Variants in SLC8A1 observed in about 807,000 individuals in gnomAD.
SLC8A1 encodes the protein solute carrier family 8 member A1.
SLC8A1 carries 18 observed loss-of-function variants against 68.3 expected under a neutral mutation model. The observed-to-expected ratio is 0.26, with a 90% confidence interval of 0.18 to 0.39. The LOEUF is 0.39. SLC8A1 is among the 10% of genes least tolerant of loss of function. SLC8A1 has a pLI of 1.00. For synonymous variants in SLC8A1, 475 were observed against 415.5 expected (o/e 1.14, Z -1.74); for missense variants, 985 against 1,156.7 (o/e 0.85, Z 2.15).
intron 2 of SLC8A1, among the ~76,000 whole-genome samples, chr2:40,262,283 A>G (rs1424680096): frequency 6.6e-6 from 1 of 152,146 alleles, no homozygotes; most frequent in Admixed American, 6.5e-5. Flanking sequence ...TTATATTGCC[A>G]ATATTTATGA....
intron 2 of SLC8A1, among the ~76,000 whole-genome samples, chr2:40,370,647 C>G (rs1354387828): frequency 6.6e-6 from 1 of 151,986 alleles, no homozygotes; most frequent in African/African-American, 2.4e-5. Context: ...GTTAAATTGA[C>G]AAATGACACT....
At chr2:40,337,845 C>T (rs958593518) in intron 2 of SLC8A1, among the ~76,000 whole-genome samples, 4 of 152,110 alleles carry the variant, frequency 2.6e-5, no homozygotes. Context: ...CTTGATTCTT[C>T]TTTTTCACTG....
intron 2 of SLC8A1, among the ~76,000 whole-genome samples, chr2:40,204,031 C>T (rs1042557922): frequency 1.3e-5 from 2 of 151,890 alleles, no homozygotes; most frequent in African/African-American, 4.8e-5. Flanking sequence ...AGGTTGAAAA[C>T]AATTTTACAA....
chr2:40,100,185 C>G (rs1220330863), exon 8 of SLC8A1: 3 of 152,096 alleles, frequency 2.0e-5, no homozygotes, highest in East Asian at 3.9e-4. Context: ...CTTCTAATAT[C>G]AAGACCTTTT....
At chr2:40,348,323 C>A (rs1669985677) in intron 2 of SLC8A1, among the ~76,000 whole-genome samples, 3 of 152,124 alleles carry the variant, frequency 2.0e-5, no homozygotes, top group African/African-American at 7.2e-5. Context: ...CTCCTTCCAG[C>A]TTTATATTTT....
intron 2 of SLC8A1, among the ~76,000 whole-genome samples, chr2:40,283,515 T>C (rs770802833): frequency 2.6e-5 from 4 of 152,192 alleles, no homozygotes; most frequent in African/African-American, 9.7e-5. Context: ...CAGCTGCCAA[T>C]AGCACTGAGA....
chr2:40,339,191 G>T (rs1424078020), intron 2 of SLC8A1, among the ~76,000 whole-genome samples: 1 of 152,162 alleles, frequency 6.6e-6, no homozygotes, highest in East Asian at 1.9e-4. Flanking sequence ...GAAATGATAG[G>T]TTATTCATTC....
chr2:40,102,985 T>G (rs1391341251), exon 8 of SLC8A1: 1 of 152,236 alleles, frequency 6.6e-6, no homozygotes, highest in Non-Finnish European at 1.5e-5. Flanking sequence ...ATTTTAATTT[T>G]CTTTCTCAAT....
intron 2 of SLC8A1, among the ~76,000 whole-genome samples, chr2:40,378,780 T>C (rs1680776067): frequency 6.6e-6 from 1 of 152,100 alleles, no homozygotes; most frequent in African/African-American, 2.4e-5. Context: ...AATTCCTATT[T>C]TGGCCCAGCG....
intron 2 of SLC8A1, among the ~76,000 whole-genome samples, chr2:40,182,444 G>A (rs2049786179): frequency 6.6e-6 from 1 of 151,900 alleles, no homozygotes; most frequent in South Asian, 2.1e-4. Flanking sequence ...TTCTTAATAT[G>A]GCCAAAATTT....
At chr2:40,404,421 C>T (rs1057250305) in intron 2 of SLC8A1, among the ~76,000 whole-genome samples, 1 of 152,164 alleles carries the variant, frequency 6.6e-6, no homozygotes, top group Admixed American at 6.5e-5. Context: ...TATGACAATA[C>T]ATTTTTTGCA....
intron 6 of SLC8A1, among the ~76,000 whole-genome samples, chr2:40,155,473 A>G (rs151010902): frequency 8.7e-4 from 132 of 152,252 alleles, no homozygotes; most frequent in African/African-American, 3.0e-3. Context: ...CAGATGACCT[A>G]AGGCTACCAC....
intron 2 of SLC8A1, among the ~76,000 whole-genome samples, chr2:40,248,424 C>G (rs1029252237): frequency 1.4e-4 from 22 of 152,120 alleles, no homozygotes; most frequent in Non-Finnish European, 4.4e-5. Context: ...CTCCCTTGCC[C>G]TACCATCACA....
chr2:40,281,066 A>T (rs1214023990), intron 2 of SLC8A1, among the ~76,000 whole-genome samples: 1 of 152,156 alleles, frequency 6.6e-6, no homozygotes, highest in Non-Finnish European at 1.5e-5. Flanking sequence ...TTGCCTGCTT[A>T]GTTTTGATGG....
At chr2:40,425,625 T>C (rs1370263255) in intron 2 of SLC8A1, among the ~76,000 whole-genome samples, 2 of 151,824 alleles carry the variant, frequency 1.3e-5, no homozygotes, top group African/African-American at 2.4e-5. Flanking sequence ...TTAAGTACTG[T>C]AGGTTTTGAA....
chr2:40,189,452 C>A (rs1425680032), intron 2 of SLC8A1, among the ~76,000 whole-genome samples: 1 of 152,104 alleles, frequency 6.6e-6, no homozygotes, highest in African/African-American at 2.4e-5. Context: ...TCCTGAGTAG[C>A]TGGGACTACA....
At chr2:40,287,684 G>A (rs554998734) in intron 2 of SLC8A1, among the ~76,000 whole-genome samples, 27 of 151,060 alleles carry the variant, frequency 1.8e-4, no homozygotes, top group African/African-American at 6.3e-4. Context: ...GGCCATGAAG[G>A]CTGGAGTGAG....
chr2:40,236,058 G>GA (rs1313799535), intron 2 of SLC8A1, among the ~76,000 whole-genome samples: 1 of 151,930 alleles, frequency 6.6e-6, no homozygotes, highest in Non-Finnish European at 1.5e-5. Flanking sequence ...GTGTGGTGCT[G>GA]AAAAAAATGT....
At chr2:40,254,452 G>C (rs967655836) in intron 2 of SLC8A1, 1 of 149,962 alleles carries the variant, frequency 6.7e-6, no homozygotes, top group African/African-American at 2.5e-5. Flanking sequence ...CAGGTCATCA[G>C]AAAACATGAA....
Sources: gnomAD v4.1 joint callset for allele counts (sites outside exome capture counted in the v4.1 genomes callset) on GRCh38, gnomAD v4.1.1 for gene constraint, MANE v1.5 for transcripts, NCBI Gene and HGNC (gene_info 2026-07-23, HGNC 2026-07-21) for gene names.